The following RSRC1 variants were observed in gnomAD, a reference collection of about 807,000 sequenced individuals.
RSRC1 encodes the protein arginine and serine rich coiled-coil 1.
In RSRC1, 39 loss-of-function variants were observed where a neutral mutation model predicts 49.1. The observed-to-expected ratio is 0.79, with a 90% CI of 0.61 to 1.04. RSRC1 has a LOEUF of 1.04. Ranked by LOEUF, RSRC1 falls within the 50% of genes least tolerant of loss-of-function variation. The pLI, the probability that RSRC1 is intolerant of heterozygous loss-of-function variation, is 0.00. For missense variants in RSRC1, 388 were observed against 402.4 expected (o/e 0.96, Z 0.31); for synonymous variants, 143 against 130.8 (o/e 1.09, Z -0.63).
chr3:158,129,288 C>CTTTTTTTTTTTTTTTTTTTTT (rs71144439), intron 3 of RSRC1, among the ~76,000 whole-genome samples: 1 of 71,082 alleles, frequency 1.4e-5, no homozygotes, highest in Non-Finnish European at 2.5e-5. Context: ...TTCTTTCTTT[C>CTTTTTTTTTTTTTTTTTTTTT]TTTTTTTTTT....
chr3:158,253,425 A>G (rs2108017764), intron 4 of RSRC1, among the ~76,000 whole-genome samples: 1 of 152,284 alleles, frequency 6.6e-6, no homozygotes, highest in African/African-American at 2.4e-5. Context: ...CCACTGTAGT[A>G]AGAGAAGATA....
intron 3 of RSRC1, among the ~76,000 whole-genome samples, chr3:158,125,545 A>G (rs1219014689): frequency 2.6e-5 from 4 of 152,124 alleles, no homozygotes; most frequent in Non-Finnish European, 5.9e-5. Context: ...TTCTACTGCT[A>G]TTGATGTCTA....
At chr3:158,339,298 CAAAAAAAAAA>C (rs57120150) in intron 5 of RSRC1, among the ~76,000 whole-genome samples, 8 of 73,814 alleles carry the variant, frequency 1.1e-4, no homozygotes, top group African/African-American at 3.8e-4. Flanking sequence ...GACTCCGTCT[CAAAAAAAAAA>C]AAAAAAAAAA....
intron 3 of RSRC1, among the ~76,000 whole-genome samples, chr3:158,176,206 C>T (rs562463840): frequency 3.3e-5 from 5 of 152,190 alleles, no homozygotes; most frequent in East Asian, 1.9e-4. Context: ...GAATCAATAT[C>T]GTGAAAATGG....
chr3:158,260,842 C>T (rs1254211203), intron 4 of RSRC1, among the ~76,000 whole-genome samples: 1 of 152,148 alleles, frequency 6.6e-6, no homozygotes, highest in Non-Finnish European at 1.5e-5. Flanking sequence ...TGCTACAGGG[C>T]AGCTCTGAGT....
chr3:158,425,416 C>G (rs1037431037), intron 6 of RSRC1, among the ~76,000 whole-genome samples: 1 of 152,028 alleles, frequency 6.6e-6, no homozygotes, highest in African/African-American at 2.4e-5. Flanking sequence ...ATCCTGAGTT[C>G]TAGTTTGATT....
chr3:158,245,004 G>GTTTTTTTTTTTTTT (rs3052859), intron 4 of RSRC1, among the ~76,000 whole-genome samples: 2 of 128,938 alleles, frequency 1.6e-5, no homozygotes, highest in African/African-American at 5.8e-5. Flanking sequence ...TTTTTCAAAG[G>GTTTTTTTTTTTTTT]TTTTTTTTTT....
At chr3:158,172,940 C>G (rs937144539) in intron 3 of RSRC1, among the ~76,000 whole-genome samples, 6 of 152,076 alleles carry the variant, frequency 3.9e-5, no homozygotes, top group Non-Finnish European at 7.4e-5. Flanking sequence ...TCTTTTTTAT[C>G]CCCTTTGTAA....
At chr3:158,264,730 T>C (rs1725076529) in intron 4 of RSRC1, among the ~76,000 whole-genome samples, 1 of 152,260 alleles carries the variant, frequency 6.6e-6, no homozygotes, top group Non-Finnish European at 1.5e-5. Flanking sequence ...CTTGCTTTTA[T>C]GATTTGTTTG....
chr3:158,506,093 A>G (rs1250740679), intron 7 of RSRC1, among the ~76,000 whole-genome samples: 3 of 152,202 alleles, frequency 2.0e-5, no homozygotes, highest in African/African-American at 7.2e-5. Flanking sequence ...GCAAAAATAG[A>G]CAAATGGGAT....
rs1278166568 is a variant in RSRC1 at position 158,298,027 on chromosome 3, C to T, written c.495-12C>T. On this transcript the variant is annotated splice_polypyrimidine_tract_variant and intron_variant, in intron 4 of 9. Coordinates refer to ENST00000611884, the MANE Select transcript of RSRC1 (RefSeq NM_001271838.2). Reference sequence around the variant, plus strand: ...TTAGCAACTATTTAGAACTTTTACTCTTCTATTTTAGGGAATCTGGAAACA... The same window carrying T: ...TTAGCAACTATTTAGAACTTTTACTTTTCTATTTTAGGGAATCTGGAAACA... The T allele has an allele frequency of 1.1e-5, 18 of 1,590,560 alleles. No homozygotes were observed. Among genetic ancestry groups the T allele is most frequent in the Non-Finnish European group, 1.6e-5 (18 of 1,159,928 alleles).
chr3:158,514,003 C>G (rs1406280576), intron 7 of RSRC1, among the ~76,000 whole-genome samples: 1 of 152,076 alleles, frequency 6.6e-6, no homozygotes, highest in Non-Finnish European at 1.5e-5. Flanking sequence ...TTTGATTCTT[C>G]TCTTTTTTTC....
chr3:158,423,706 T>C (rs1324976891), intron 6 of RSRC1, among the ~76,000 whole-genome samples: 5 of 152,236 alleles, frequency 3.3e-5, no homozygotes, highest in African/African-American at 1.2e-4. Context: ...TTCCTACCAA[T>C]GAGCATGGAA....
intron 6 of RSRC1, among the ~76,000 whole-genome samples, chr3:158,404,945 A>G (rs1170544546): frequency 6.6e-6 from 1 of 151,952 alleles, no homozygotes; most frequent in African/African-American, 2.4e-5. Flanking sequence ...GTTTTCAAGG[A>G]GTAAAGTCAT....
intron 3 of RSRC1, among the ~76,000 whole-genome samples, chr3:158,198,814 G>T (rs184715118): frequency 6.6e-6 from 1 of 152,008 alleles, no homozygotes; most frequent in African/African-American, 2.4e-5. Context: ...TCCACCCCCC[G>T]CAAGAAATTT....
chr3:158,457,213 A>T (rs1664804131), intron 6 of RSRC1, among the ~76,000 whole-genome samples: 1 of 152,184 alleles, frequency 6.6e-6, no homozygotes, highest in Non-Finnish European at 1.5e-5. Context: ...GAGGTCCCGA[A>T]TGTGAGTATT....
At chr3:158,267,971 T>C (rs984042664) in intron 4 of RSRC1, among the ~76,000 whole-genome samples, 6 of 151,290 alleles carry the variant, frequency 4.0e-5, no homozygotes, top group African/African-American at 1.2e-4. Context: ...CACCTGAAAC[T>C]ATAAAGATCC....
intron 3 of RSRC1, among the ~76,000 whole-genome samples, chr3:158,169,321 T>C (rs1469389119): frequency 1.3e-5 from 2 of 152,060 alleles, no homozygotes; most frequent in Non-Finnish European, 2.9e-5. Flanking sequence ...TATGCATGTT[T>C]CTCCTTTCAC....
At chr3:158,292,431 C>A (rs1726986830) in intron 4 of RSRC1, among the ~76,000 whole-genome samples, 1 of 152,164 alleles carries the variant, frequency 6.6e-6, no homozygotes, top group African/African-American at 2.4e-5. Flanking sequence ...TAAAAAAAGA[C>A]CTGCTGTACT....
Sources: allele counts gnomAD v4.1 joint callset (sites outside exome capture counted in the v4.1 genomes callset), GRCh38; gene constraint gnomAD v4.1.1; transcripts MANE v1.5; gene names NCBI Gene and HGNC (gene_info 2026-07-23, HGNC 2026-07-21).